CARS1: variants seen among roughly 807,000 people sequenced by gnomAD.
The protein encoded by CARS1 is cysteine--tRNA ligase, cytoplasmic.
In CARS1, 48 loss-of-function variants were observed where a neutral mutation model predicts 106.2. The observed-to-expected ratio is 0.45, with a 90% CI of 0.36 to 0.57. The LOEUF is 0.57. Among genes scored for constraint, CARS1 ranks in the 20% least tolerant of loss-of-function variants. The pLI is 0.00. For synonymous variants in CARS1, 409 were observed against 403.4 expected (o/e 1.01, Z -0.17); for missense variants, 968 against 1,057.2 (o/e 0.92, Z 1.17).
intron 1 of CARS1, among the ~76,000 whole-genome samples, chr11:3,055,246 C>G (rs1438014667): frequency 2.0e-5 from 3 of 152,256 alleles, no homozygotes; most frequent in East Asian, 3.9e-4. Context: ...CTGCAAGCTC[C>G]GCCTCCTGGG....
Position 3,034,174 on chromosome 11 carries a change from CTGTTTTTT to C in CARS1, c.801+3868_801+3875del, listed in dbSNP as rs1036477885. On this transcript the variant is annotated intron_variant, in intron 7 of 22. Transcript: ENST00000380525. This position sits in a 1 kb window ranked among gnomAD's most constrained non-coding sequence, Gnocchi z 6.3. ...ATGAATTCGTGTCTTAGTCTGTTTT[CTGTTTTTT>C]TGTTTGTTTGTTCTTTTTTTTGTTT... is the stretch of plus-strand genomic sequence containing the variant. Among the ~76,000 whole-genome samples, 18 of 131,544 alleles carry C rather than the reference CTGTTTTTT, an allele frequency of 1.4e-4. No homozygotes were observed. Among genetic ancestry groups the C allele is most frequent in the Non-Finnish European group, 2.6e-4 (15 of 57,238 alleles). 86.3% of individuals were successfully genotyped at this position (131,544 alleles called of 152,430 possible).
At chr11:3,016,222 C>CTT (rs34717371) in intron 16 of CARS1, among the ~76,000 whole-genome samples, 30 of 136,772 alleles carry the variant, frequency 2.2e-4, no homozygotes, top group African/African-American at 5.5e-4. Context: ...TTTTGCTTCT[C>CTT]TTTTTTTTTT....
At chr11:3,049,570 T>C (rs1311864879) in intron 1 of CARS1, among the ~76,000 whole-genome samples, 1 of 152,194 alleles carries the variant, frequency 6.6e-6, no homozygotes, top group Non-Finnish European at 1.5e-5. Context: ...AGTGATTGTG[T>C]TTGCTGAGAG....
In CARS1 at chr11:3,021,243, C is replaced by G. The variant is rs771183230; in HGVS notation, c.1154-911G>C. Among the ~76,000 whole-genome samples, 1 of 152,224 alleles carries G rather than the reference C, an allele frequency of 6.6e-6. No homozygotes were observed. Among genetic ancestry groups the G allele is most frequent in the Non-Finnish European group, 1.5e-5 (1 of 68,036 alleles). On this transcript the variant is annotated intron_variant, in intron 10 of 22. Coordinates refer to ENST00000380525, the MANE Select transcript of CARS1 (RefSeq NM_001014437.3). The surrounding 1 kb of genome is among the most constrained non-coding windows in gnomAD (Gnocchi z 5.3). ...CCTGTGAGCCAGTCCAAAGGTCACG[C>G]AGAGAATCACCCTTTGTTCGATGAA...
At chr11:3,027,898 C>G (rs1046202873) in intron 9 of CARS1, 1 of 451,860 alleles carries the variant, frequency 2.2e-6, no homozygotes, top group Admixed American at 2.4e-5. Context: ...CCGCGGGAGT[C>G]TGGAGAAGAC....
In CARS1 at chr11:3,019,859, T is replaced by C. The variant is rs762058755; in HGVS notation, c.1266+361A>G. Among the ~76,000 whole-genome samples, 2 of 152,104 alleles carry C rather than the reference T, an allele frequency of 1.3e-5. No homozygotes were observed. Among genetic ancestry groups the C allele is most frequent in the Non-Finnish European group, 1.5e-5 (1 of 68,008 alleles). On this transcript the variant is annotated intron_variant, in intron 11 of 22. Transcript: ENST00000380525. This position sits in a 1 kb window ranked among gnomAD's most constrained non-coding sequence, Gnocchi z 6.2. ...GGTCACGCCCCTTCCTAGGGTACCC[T>C]GCAGTCAACAACTCCTGTCACCGGG...
At chr11:3,006,650 G>A (rs1849892545) in intron 19 of CARS1, among the ~76,000 whole-genome samples, 1 of 152,198 alleles carries the variant, frequency 6.6e-6, no homozygotes, top group East Asian at 1.9e-4. Flanking sequence ...GATGCGCAGG[G>A]GAGGTGACAC....
intron 19 of CARS1, among the ~76,000 whole-genome samples, chr11:3,006,428 A>G (rs555724509): frequency 8.4e-4 from 128 of 152,388 alleles, no homozygotes; most frequent in African/African-American, 3.0e-3. Flanking sequence ...CCTGGGCGAC[A>G]GAGCGAAACT....
intron 1 of CARS1, among the ~76,000 whole-genome samples, chr11:3,056,081 G>A (rs1353529588): frequency 6.6e-6 from 1 of 152,224 alleles, no homozygotes; most frequent in Non-Finnish European, 1.5e-5. Context: ...GGCGTGCCTG[G>A]AAGGTGACCA....
In CARS1 at chr11:3,050,242, G is replaced by A. The variant is rs1329293362; in HGVS notation, c.26-2241C>T. 6.6e-6 allele frequency among the ~76,000 whole-genome samples: 1 copy of A among 152,072 alleles called. No individual in the cohort carries two copies. Among genetic ancestry groups the A allele is most frequent in the Non-Finnish European group, 1.5e-5 (1 of 68,016 alleles). On this transcript the variant is annotated intron_variant, in intron 1 of 22. Coordinates refer to ENST00000380525, the MANE Select transcript of CARS1 (RefSeq NM_001014437.3). This position sits in a 1 kb window ranked among gnomAD's most constrained non-coding sequence, Gnocchi z 6.3. ...GGATGACTCTCGCTGGTGGGATGAC[G>A]AGTGCAGCGTCCCTCTAACTTGCCC...
Position 3,019,092 on chromosome 11 carries a change from G to A in CARS1, c.1395+47C>T. The stretch of plus-strand genomic sequence containing the variant: ...GCTGACTTTTCCTCCACTGCAGTAT[G>A]AACACTGTGCTCTTGCACCTGACAA... On this transcript the variant is annotated intron_variant, in intron 12 of 22. Coordinates refer to ENST00000380525, the MANE Select transcript of CARS1 (RefSeq NM_001014437.3). This position sits in a 1 kb window ranked among gnomAD's most constrained non-coding sequence, Gnocchi z 6.2. 6.7e-7 allele frequency: 1 copy of A among 1,497,424 alleles called. No individual in the cohort carries two copies. Among genetic ancestry groups the A allele is most frequent in the Non-Finnish European group, 8.9e-7 (1 of 1,125,186 alleles). 92.8% of individuals were successfully genotyped at this position (1,497,424 alleles called of 1,614,324 possible).
chr11:3,032,158 C>G (rs1051659600), intron 7 of CARS1, among the ~76,000 whole-genome samples: 1 of 150,710 alleles, frequency 6.6e-6, no homozygotes, highest in Non-Finnish European at 1.5e-5. Context: ...CTGCAACCTC[C>G]GCCTCCCGGG....
At chr11:3,047,293 A>G (rs1040927681) in intron 2 of CARS1, among the ~76,000 whole-genome samples, 4 of 152,124 alleles carry the variant, frequency 2.6e-5, no homozygotes, top group African/African-American at 9.7e-5. Context: ...AAAAAAAAAA[A>G]AAAGTTCAAT....
At position 3,019,862 on chromosome 11, in the gene CARS1, A is replaced by G. The variant is rs1003537917; in HGVS notation, c.1266+358T>C. Reference sequence around the variant, plus strand: ...CACGCCCCTTCCTAGGGTACCCTGCAGTCAACAACTCCTGTCACCGGGAAG... The same window carrying G: ...CACGCCCCTTCCTAGGGTACCCTGCGGTCAACAACTCCTGTCACCGGGAAG... On this transcript the variant is annotated intron_variant, in intron 11 of 22. Transcript: ENST00000380525. The surrounding 1 kb of genome is among the most constrained non-coding windows in gnomAD (Gnocchi z 6.2). Among the ~76,000 whole-genome samples the G allele has an allele frequency of 6.6e-6, 1 of 152,180 alleles. No individual in the cohort carries two copies. Among genetic ancestry groups the G allele is most frequent in the Admixed American group, 6.5e-5 (1 of 15,274 alleles).
At chr11:3,056,685 T>G (rs1158996258) in intron 1 of CARS1, among the ~76,000 whole-genome samples, 1 of 152,132 alleles carries the variant, frequency 6.6e-6, no homozygotes. Flanking sequence ...CAACCTCAGG[T>G]GCCCTCCGCC....
Position 3,030,058 on chromosome 11 carries a change from G to A in CARS1, c.802-615C>T. 6.6e-6 allele frequency: 1 copy of A among 152,472 alleles called. No individual in the cohort carries two copies. The highest frequency in any genetic ancestry group is 1.5e-5 in the Non-Finnish European group (1 of 68,238). The allele number at this position is 152,472 out of a possible 1,614,324, so 9.4% of individuals were successfully genotyped here. The stretch of plus-strand genomic sequence containing the variant: ...TCTAGGCATGAGACACGCCCCAACT[G>A]CACTCATGTCAGAAAAGAGAAATGT... On this transcript the variant is annotated intron_variant, in intron 7 of 22. Coordinates refer to ENST00000380525, the MANE Select transcript of CARS1 (RefSeq NM_001014437.3). The surrounding 1 kb of genome is among the most constrained non-coding windows in gnomAD (Gnocchi z 5.7).
chr11:3,057,320 C>G (rs1472236185), intron 1 of CARS1, 23 bp downstream of exon 1: 13 of 1,605,560 alleles, frequency 8.1e-6, no homozygotes, highest in Non-Finnish European at 1.1e-5. Flanking sequence ...CCGCCCTCAG[C>G]CTGGCCCGGC....
chr11:3,006,659 A>G (rs756693), intron 19 of CARS1, among the ~76,000 whole-genome samples: 42,442 of 152,124 alleles, frequency 0.28, 7,090 homozygotes, highest in East Asian at 0.63. Context: ...GGGAGGTGAC[A>G]CCACCACACG....
At chr11:3,033,697 A>G (rs1853198122) in intron 7 of CARS1, among the ~76,000 whole-genome samples, 1 of 152,226 alleles carries the variant, frequency 6.6e-6, no homozygotes. Context: ...AAGAAGGAAT[A>G]AAGAATGGAC....
Sources: gnomAD v4.1 joint callset for allele counts (sites outside exome capture counted in the v4.1 genomes callset) on GRCh38, gnomAD v4.1.1 for gene constraint, Gnocchi (gnomAD v3.1) non-coding constraint, MANE v1.5 for transcripts, NCBI Gene and HGNC (gene_info 2026-07-23, HGNC 2026-07-21) for gene names.